NT5DC3: variants seen among roughly 807,000 people sequenced by gnomAD.
NT5DC3 encodes the protein 5'-nucleotidase domain-containing protein 3.
NT5DC3 carries 42 observed loss-of-function variants against 67.8 expected under a neutral mutation model. That is an observed-to-expected ratio of 0.62 (90% CI 0.48 to 0.80). NT5DC3 has a LOEUF of 0.80. Among genes scored for constraint, NT5DC3 ranks in the 30% least tolerant of loss-of-function variants. NT5DC3 has a pLI of 0.00. For missense variants in NT5DC3, 570 were observed against 696.4 expected, an observed-to-expected ratio of 0.82 and a Z score of 2.04; for synonymous variants, 237 against 255.6, an observed-to-expected ratio of 0.93 and a Z score of 0.69.
intron 5 of NT5DC3, among the ~76,000 whole-genome samples, chr12:103,797,806 C>T (rs1021087631): frequency 6.6e-6 from 1 of 152,216 alleles, no homozygotes; most frequent in Admixed American, 6.5e-5. Context: ...AGATTCTCAA[C>T]TTATGATGGG....
the NT5DC3 span, among the ~76,000 whole-genome samples, chr12:103,754,048 T>C: frequency 1.3e-5 from 2 of 152,208 alleles, no homozygotes; most frequent in African/African-American, 4.8e-5. Context: ...TGGTGGTTTA[T>C]CACTGGGAGC....
the NT5DC3 span, among the ~76,000 whole-genome samples, chr12:103,760,853 C>T: frequency 2.7e-3 from 412 of 152,298 alleles, 1 homozygote; most frequent in Non-Finnish European, 4.7e-3. Context: ...AAAATGAAGA[C>T]GTGATTCAGC....
At chr12:103,765,494 A>G (rs1046309475), downstream of NT5DC3, among the ~76,000 whole-genome samples, 8 of 152,308 alleles carry the variant, frequency 5.3e-5, 1 homozygote, top group Admixed American at 1.3e-4. Flanking sequence ...TCTAGCATCT[A>G]TTATGCTAAT....
chr12:103,762,509 CA>C, the NT5DC3 span: 1 of 1,555,464 alleles, frequency 6.4e-7, no homozygotes, highest in Non-Finnish European at 8.8e-7. Context: ...CACCCAGAAG[CA>C]GTGTGTCACA....
intron 1 of NT5DC3, among the ~76,000 whole-genome samples, chr12:103,818,702 T>A (rs572753322): frequency 6.6e-6 from 1 of 152,236 alleles, no homozygotes; most frequent in South Asian, 2.1e-4. Context: ...TCATTTTTAT[T>A]TTGCCAATAA....
intron 10 of NT5DC3, among the ~76,000 whole-genome samples, chr12:103,788,253 C>A (rs1885880861): frequency 6.6e-6 from 1 of 152,026 alleles, no homozygotes; most frequent in Non-Finnish European, 1.5e-5. Flanking sequence ...CCAGCTTGGG[C>A]AAAATGGCAA....
At chr12:103,759,803 T>C in the NT5DC3 span, among the ~76,000 whole-genome samples, 1 of 152,312 alleles carries the variant, frequency 6.6e-6, no homozygotes, top group African/African-American at 2.4e-5. Context: ...GAGAATTAAA[T>C]AGACATACGA....
At chr12:103,837,141 T>C (rs1208004116) in intron 1 of NT5DC3, among the ~76,000 whole-genome samples, 1 of 152,218 alleles carries the variant, frequency 6.6e-6, no homozygotes, top group Non-Finnish European at 1.5e-5. Flanking sequence ...CTCAACACAA[T>C]GTGGAAGCTG....
chr12:103,755,135 T>C, the NT5DC3 span: 22 of 863,244 alleles, frequency 2.5e-5, no homozygotes, highest in Non-Finnish European at 3.8e-5. Flanking sequence ...GCTCAATCAA[T>C]CAGTCAACAT....
intron 9 of NT5DC3, among the ~76,000 whole-genome samples, chr12:103,789,877 C>T (rs1158573100): frequency 2.6e-5 from 4 of 152,196 alleles, no homozygotes; most frequent in East Asian, 3.9e-4. Context: ...AAAAAAGGTA[C>T]GCAACCCAGA....
At chr12:103,759,516 G>A in the NT5DC3 span, among the ~76,000 whole-genome samples, 4 of 152,210 alleles carry the variant, frequency 2.6e-5, no homozygotes, top group Admixed American at 6.5e-5. Flanking sequence ...CCATTTTAAA[G>A]CTGATTCTCC....
intron 1 of NT5DC3, chr12:103,821,921 A>T (rs1190227720): frequency 6.6e-6 from 1 of 152,220 alleles, no homozygotes; most frequent in Non-Finnish European, 1.5e-5. Context: ...TACTGACCAG[A>T]GTTACATCTG....
chr12:103,749,007 G>C, the NT5DC3 span: 1 of 1,614,108 alleles, frequency 6.2e-7, no homozygotes, highest in Non-Finnish European at 8.5e-7. Context: ...TGCAAAGGTG[G>C]CCAGATGCTC....
At chr12:103,799,051 C>A (rs1316885091) in intron 4 of NT5DC3, among the ~76,000 whole-genome samples, 1 of 152,134 alleles carries the variant, frequency 6.6e-6, no homozygotes, top group Non-Finnish European at 1.5e-5. Flanking sequence ...TCAAGCACAC[C>A]AAAGTAGGAA....
chr12:103,815,093 C>G lies in NT5DC3; in HGVS notation c.237G>C (p.Leu79Phe), dbSNP rs1277442840. ...EELVPSIMSNLLNPDAIFSNN... is the reference protein window; with the variant it reads ...EELVPSIMSNFLNPDAIFSNN... ...TTGAGAAAATGGCATCTGGATTCAA[C>G]AAGTTGCTCATAATGGAAGGAACCA... Residue 79 changes from leucine to phenylalanine, a missense_variant, in exon 2 of 14, where the codon TTG becomes TTC. By Grantham distance (22) the Leu-to-Phe change is conservative. Around this residue, in one of 2 missense-constraint regions of NT5DC3, gnomAD observed 466 missense variants for 608.0 expected, o/e 0.77. Transcript: ENST00000392876. The G allele has an allele frequency of 1.2e-6, 2 of 1,609,924 alleles. No individual in the cohort carries two copies. The highest frequency in any genetic ancestry group is 3.4e-5 in the Admixed American group (2 of 59,618).
the NT5DC3 span, chr12:103,761,408 G>A: frequency 7.1e-5 from 114 of 1,613,232 alleles, no homozygotes; most frequent in Admixed American, 8.3e-4. Context: ...CCCTGCCCCC[G>A]TGGTGAGTAT....
At chr12:103,757,636 C>G in the NT5DC3 span, among the ~76,000 whole-genome samples, 1 of 152,258 alleles carries the variant, frequency 6.6e-6, no homozygotes, top group East Asian at 1.9e-4. Flanking sequence ...GGGAGTGAGC[C>G]ATGCAGACTT....
At chr12:103,791,255 A>G (rs1021152063) in intron 9 of NT5DC3, among the ~76,000 whole-genome samples, 2 of 152,090 alleles carry the variant, frequency 1.3e-5, no homozygotes, top group African/African-American at 4.8e-5. Context: ...CTCACTTTTT[A>G]TAAACATAAC....
chr12:103,825,353 A>T (rs534641002), intron 1 of NT5DC3, among the ~76,000 whole-genome samples: 1 of 152,340 alleles, frequency 6.6e-6, no homozygotes, highest in East Asian at 1.9e-4. Context: ...TACAAAAATA[A>T]AACTACATAC....
Sources: allele counts gnomAD v4.1 joint callset (sites outside exome capture counted in the v4.1 genomes callset), GRCh38; gene constraint gnomAD v4.1.1; regional missense constraint gnomAD v4.1.1; transcripts MANE v1.5; gene names NCBI Gene and HGNC (gene_info 2026-07-23, HGNC 2026-07-21).